AMN1: variants seen among roughly 807,000 people sequenced by gnomAD.
The protein encoded by AMN1 is antagonist of mitotic exit network 1 homolog, also known as protein AMN1 homolog.
Under a neutral mutation model 33.0 loss-of-function variants are expected in AMN1, and 20 were observed. The observed-to-expected ratio is 0.61, with a 90% CI of 0.43 to 0.88. The LOEUF (loss-of-function observed/expected upper bound fraction) is 0.88, where lower values mean the gene tolerates loss of function less well. Among genes scored for constraint, AMN1 ranks in the 40% least tolerant of loss-of-function variants. The probability of loss-of-function intolerance (pLI) is 0.00; values close to 1 mark genes in which losing one functional copy is unlikely to be tolerated. For synonymous variants in AMN1, 114 were observed against 111.9 expected, an observed-to-expected ratio of 1.02 and a Z score of -0.12; for missense variants, 246 against 307.4, an observed-to-expected ratio of 0.80 and a Z score of 1.49.
rs115905434 is a variant in AMN1 at position 31,718,490 on chromosome 12, A to G, written c.39-9065T>C. ...AGTTGTGTTCCTCTGGAGAATAGGC[A>G]TTCTGGTTTTTGGAATTTTCAGGCT... On this transcript the variant is annotated intron_variant, in intron 1 of 6. Transcript: ENST00000281471. Among the ~76,000 whole-genome samples the G allele has an allele frequency of 8.4e-3, 1,277 of 152,176 alleles. 18 individuals carry two copies. The highest frequency in any genetic ancestry group is 0.029 in the African/African-American group (1,205 of 41,538).
chr12:31,727,101 C>T (rs1940105589), intron 1 of AMN1, among the ~76,000 whole-genome samples: 1 of 152,152 alleles, frequency 6.6e-6, no homozygotes, highest in African/African-American at 2.4e-5. Context: ...GCAATCCACC[C>T]TCCTCAGGGT....
Position 31,687,412 on chromosome 12 carries a change from T to G in AMN1, c.703+1595A>C, listed in dbSNP as rs1468258174. On this transcript the variant is annotated intron_variant, in intron 6 of 6. Transcript: ENST00000281471. The surrounding 1 kb of genome is among the most constrained non-coding windows in gnomAD (Gnocchi z 4.1). ...CTACAGAATAATTGTTTAGACTGGC[T>G]GGGCATGGTGGCTCACGCCTGTGAT... Among the ~76,000 whole-genome samples the G allele has an allele frequency of 6.6e-6, 1 of 152,176 alleles. No individual in the cohort carries two copies. The highest frequency in any genetic ancestry group is 2.4e-5 in the African/African-American group (1 of 41,454).
chr12:31,672,433 T>C, intron 6 of AMN1, 56 bp from the exon 7 acceptor site: 2 of 1,221,340 alleles, frequency 1.6e-6, no homozygotes, highest in South Asian at 1.3e-5. Context: ...GTTTAATGTT[T>C]CCTCATGTCT....
intron 1 of AMN1, chr12:31,714,986 T>G: frequency 6.5e-6 from 5 of 770,406 alleles, no homozygotes; most frequent in Non-Finnish European, 7.9e-6. Context: ...GATTAAAAAA[T>G]GAACAAATAT....
chr12:31,705,340 A>C (rs1939182766), intron 2 of AMN1, among the ~76,000 whole-genome samples: 1 of 152,102 alleles, frequency 6.6e-6, no homozygotes, highest in Non-Finnish European at 1.5e-5. Flanking sequence ...TCTAAAAAAA[A>C]TACAAAAATT....
chr12:31,699,207 A>T (rs563508955), intron 3 of AMN1, among the ~76,000 whole-genome samples: 1 of 151,960 alleles, frequency 6.6e-6, no homozygotes, highest in South Asian at 2.1e-4. Flanking sequence ...CCTGGCCAAC[A>T]TGGTGAAACC....
chr12:31,700,262 C>A (rs1938935372), intron 3 of AMN1, among the ~76,000 whole-genome samples: 1 of 151,820 alleles, frequency 6.6e-6, no homozygotes, highest in Non-Finnish European at 1.5e-5. Context: ...ACTTGGGAGG[C>A]TGAGGTGGGA....
intron 6 of AMN1, among the ~76,000 whole-genome samples, chr12:31,686,839 T>C (rs568129385): frequency 2.5e-4 from 38 of 152,330 alleles, no homozygotes; most frequent in Admixed American, 7.8e-4. Flanking sequence ...GGATCATCTG[T>C]GTGCTGACAG....
At chr12:31,726,171 T>TC (rs1940058040) in intron 1 of AMN1, among the ~76,000 whole-genome samples, 1 of 150,154 alleles carries the variant, frequency 6.7e-6, no homozygotes, top group Non-Finnish European at 1.5e-5. Context: ...CTTTTTTTTT[T>TC]TTTTGGGGGG....
chr12:31,693,216 T>C (rs556956349), intron 5 of AMN1, among the ~76,000 whole-genome samples: 2 of 152,206 alleles, frequency 1.3e-5, no homozygotes, highest in Admixed American at 6.5e-5. Flanking sequence ...CAGCTGGGAG[T>C]ACAGGCATGC....
At chr12:31,697,281 T>C in intron 5 of AMN1, 80 bp downstream of exon 5, 8 of 1,249,674 alleles carry the variant, frequency 6.4e-6, no homozygotes, top group South Asian at 1.4e-5. Flanking sequence ...AAAGCATTGG[T>C]TATCCGCTAG....
intron 6 of AMN1, among the ~76,000 whole-genome samples, chr12:31,685,320 C>T (rs189536998): frequency 3.2e-4 from 48 of 152,166 alleles, no homozygotes; most frequent in African/African-American, 1.2e-3. Context: ...TGAGCCACTT[C>T]GCCTGGCCTA....
At chr12:31,695,108 T>A (rs1938664021) in intron 5 of AMN1, among the ~76,000 whole-genome samples, 2 of 152,230 alleles carry the variant, frequency 1.3e-5, no homozygotes, top group Admixed American at 6.5e-5. Flanking sequence ...GATATGGCAC[T>A]ATAATCACCA....
chr12:31,688,471 T>A (rs1938363196), intron 6 of AMN1, among the ~76,000 whole-genome samples: 1 of 152,170 alleles, frequency 6.6e-6, no homozygotes, highest in African/African-American at 2.4e-5. Context: ...TTATCATGAC[T>A]AACATTTATT....
intron 5 of AMN1, 102 bp from the exon 6 acceptor site, chr12:31,689,220 C>A (rs1938399261): frequency 3.9e-6 from 3 of 778,232 alleles, no homozygotes; most frequent in African/African-American, 1.8e-5. Flanking sequence ...AACCAGATAT[C>A]TACTTGCAAA....
intron 1 of AMN1, among the ~76,000 whole-genome samples, chr12:31,713,865 A>AT (rs138348189): frequency 0.041 from 6,172 of 151,902 alleles, 276 homozygotes; most frequent in East Asian, 0.21. Flanking sequence ...GAAAAAAAAA[A>AT]TTTTCTGATA....
chr12:31,686,253 C>T (rs1466136274), intron 6 of AMN1, among the ~76,000 whole-genome samples: 1 of 152,066 alleles, frequency 6.6e-6, no homozygotes, highest in Non-Finnish European at 1.5e-5. Context: ...CAAGACCAGC[C>T]TGGCCAACAT....
At chr12:31,728,686 C>T (rs1266323799) in intron 1 of AMN1, among the ~76,000 whole-genome samples, 2 of 152,230 alleles carry the variant, frequency 1.3e-5, no homozygotes, top group African/African-American at 4.8e-5. Flanking sequence ...GAGGCCACTG[C>T]CAGTAACAGC....
At chr12:31,675,021 C>CA (rs61067188) in intron 6 of AMN1, among the ~76,000 whole-genome samples, 22,733 of 129,534 alleles carry the variant, frequency 0.18, 2,418 homozygotes, top group East Asian at 0.47. Flanking sequence ...GACCCAGTGT[C>CA]AAAAAAAAAA....
Sources: gnomAD v4.1 joint callset for allele counts (sites outside exome capture counted in the v4.1 genomes callset) on GRCh38, gnomAD v4.1.1 for gene constraint, Gnocchi (gnomAD v3.1) non-coding constraint, MANE v1.5 for transcripts, NCBI Gene and HGNC (gene_info 2026-07-23, HGNC 2026-07-21) for gene names.